The following CNTN4 variants were observed in gnomAD, a reference collection of about 807,000 sequenced individuals.
The protein encoded by CNTN4 is contactin 4.
Under a neutral mutation model 122.5 loss-of-function variants are expected in CNTN4, and 77 were observed. That is an observed-to-expected ratio of 0.63 (90% CI 0.52 to 0.76). The LOEUF (loss-of-function observed/expected upper bound fraction) is 0.76. CNTN4 is among the 30% of genes least tolerant of loss of function. CNTN4 has a pLI of 0.00. For missense variants in CNTN4, 1,256 were observed against 1,259.1 expected, an observed-to-expected ratio of 1.00 and a Z score of 0.04; for synonymous variants, 512 against 447.0, an observed-to-expected ratio of 1.15 and a Z score of -1.83.
intron 3 of CNTN4, among the ~76,000 whole-genome samples, chr3:2,455,831 C>A (rs2151391932): frequency 6.6e-6 from 1 of 152,064 alleles, no homozygotes; most frequent in African/African-American, 2.4e-5. Flanking sequence ...CACAGGTCAG[C>A]AAAGTTAACT....
chr3:2,199,093 C>G (rs146799108), intron 2 of CNTN4, among the ~76,000 whole-genome samples: 136 of 152,328 alleles, frequency 8.9e-4, no homozygotes, highest in African/African-American at 3.2e-3. Context: ...AGCTCATTGT[C>G]TCTAGCTGGG....
At position 2,375,439 on chromosome 3, in the gene CNTN4, C is replaced by G. The variant is rs139782956; in HGVS notation, c.-89+36206C>G. On this transcript the variant is annotated intron_variant, in intron 3 of 24. Coordinates refer to ENST00000418658, the MANE Select transcript of CNTN4 (RefSeq NM_175607.3). ...AGATAGAAAAGATATTACGGTGGCC[C>G]TATTTTCTAAGGGACTTTCAATACT... is the stretch of plus-strand genomic sequence containing the variant. Among the ~76,000 whole-genome samples, 338 of 152,220 alleles carry G rather than the reference C, an allele frequency of 2.2e-3. 5 individuals carry two copies. In the East Asian group the frequency reaches 0.026, roughly 12 times the overall value.
chr3:2,267,160 GATTGTGGTGTGTAGAA>G (rs2149790899), intron 2 of CNTN4, among the ~76,000 whole-genome samples: 1 of 152,126 alleles, frequency 6.6e-6, no homozygotes, highest in South Asian at 2.1e-4. Context: ...GCCAACTTAC[GATTGTGGTGTGTAGAA>G]ATTTAGTGTC....
intron 4 of CNTN4, among the ~76,000 whole-genome samples, chr3:2,713,221 C>G (rs1198691736): frequency 6.6e-6 from 1 of 152,126 alleles, no homozygotes; most frequent in East Asian, 1.9e-4. Flanking sequence ...GAAGGACCCC[C>G]AAGTGGTATC....
chr3:2,674,606 G>T (rs2084731782), intron 4 of CNTN4, among the ~76,000 whole-genome samples: 1 of 151,984 alleles, frequency 6.6e-6, no homozygotes, highest in African/African-American at 2.4e-5. Flanking sequence ...AATAATACAA[G>T]AATTAGCTGG....
chr3:2,875,926 A>G (rs974942455), intron 8 of CNTN4, among the ~76,000 whole-genome samples: 1 of 152,222 alleles, frequency 6.6e-6, no homozygotes, highest in African/African-American at 2.4e-5. Context: ...TTACTTCAGG[A>G]ATTCAGGAAA....
At chr3:2,728,621 A>C (rs2088414032) in intron 4 of CNTN4, among the ~76,000 whole-genome samples, 1 of 152,230 alleles carries the variant, frequency 6.6e-6, no homozygotes, top group East Asian at 1.9e-4. Flanking sequence ...TGATTGGTCA[A>C]GGGCTCTGCA....
intron 3 of CNTN4, among the ~76,000 whole-genome samples, chr3:2,374,383 A>G (rs941473703): frequency 2.6e-5 from 4 of 152,304 alleles, no homozygotes; most frequent in African/African-American, 9.6e-5. Context: ...TAAAAAGAAG[A>G]GTTGTTCTTT....
intron 2 of CNTN4, among the ~76,000 whole-genome samples, chr3:2,272,327 G>C (rs1231593136): frequency 6.6e-6 from 1 of 151,998 alleles, no homozygotes; most frequent in Non-Finnish European, 1.5e-5. Context: ...ATTTATTTAT[G>C]AATTTTTATA....
intron 7 of CNTN4, among the ~76,000 whole-genome samples, chr3:2,849,008 C>G (rs1205952882): frequency 1.3e-5 from 2 of 152,102 alleles, no homozygotes; most frequent in African/African-American, 2.4e-5. Context: ...GCTAGGCACC[C>G]AAAACAAATG....
intron 4 of CNTN4, among the ~76,000 whole-genome samples, chr3:2,604,926 C>G (rs2149777482): frequency 1.3e-5 from 2 of 152,146 alleles, no homozygotes; most frequent in South Asian, 4.2e-4. Context: ...GTAAATAGTA[C>G]AGTATTGTTA....
In CNTN4 at chr3:2,163,183, C is replaced by T. The variant is rs146791915; in HGVS notation, c.-145+62544C>T. Among the ~76,000 whole-genome samples the T allele has an allele frequency of 1.5e-3, 225 of 152,226 alleles. 1 individual carries two copies. Among genetic ancestry groups the T allele is most frequent in the African/African-American group, 5.3e-3 (219 of 41,532 alleles). ...TAAACCAGTGGAACAGAATAGGGAA[C>T]CCAGAAATAAAGCCAAATACTCATA... On this transcript the variant is annotated intron_variant, in intron 2 of 24. Coordinates refer to ENST00000418658, the MANE Select transcript of CNTN4 (RefSeq NM_175607.3).
intron 3 of CNTN4, among the ~76,000 whole-genome samples, chr3:2,432,799 C>T (rs1463943045): frequency 7.0e-6 from 1 of 143,442 alleles, no homozygotes; most frequent in Admixed American, 7.4e-5. Context: ...GCAGATATGT[C>T]TGGCACACTA....
chr3:2,521,343 T>TCCCCCAC (rs2077208573), intron 3 of CNTN4, among the ~76,000 whole-genome samples: 2 of 128,310 alleles, frequency 1.6e-5, no homozygotes, highest in Admixed American at 8.2e-5. Flanking sequence ...CCTCTACCCA[T>TCCCCCAC]CCCCCCCACC....
At chr3:2,719,591 T>C (rs1184242063) in intron 4 of CNTN4, among the ~76,000 whole-genome samples, 1 of 152,036 alleles carries the variant, frequency 6.6e-6, no homozygotes, top group African/African-American at 2.4e-5. Context: ...GCCCAGCTAA[T>C]TTTTATATTT....
chr3:3,012,763 G>A (rs749308785), intron 14 of CNTN4, among the ~76,000 whole-genome samples: 62 of 152,146 alleles, frequency 4.1e-4, no homozygotes, highest in Admixed American at 7.9e-4. Flanking sequence ...GAGGTCAGGA[G>A]TTTGAGATCA....
At chr3:2,805,288 C>G (rs1021256966) in intron 6 of CNTN4, among the ~76,000 whole-genome samples, 1 of 152,042 alleles carries the variant, frequency 6.6e-6, no homozygotes, top group African/African-American at 2.4e-5. Context: ...AGCTTTGTAG[C>G]TGTAAAGTTT....
intron 2 of CNTN4, among the ~76,000 whole-genome samples, chr3:2,338,086 C>T (rs1017272113): frequency 6.6e-6 from 1 of 151,932 alleles, no homozygotes; most frequent in African/African-American, 2.4e-5. Flanking sequence ...CCATAGGAAA[C>T]ATTTTCTTAC....
chr3:2,321,125 A>G (rs988834855), intron 2 of CNTN4, among the ~76,000 whole-genome samples: 2 of 152,150 alleles, frequency 1.3e-5, no homozygotes, highest in East Asian at 1.9e-4. Flanking sequence ...GCTCTGTCCT[A>G]TAGCTCTGAA....
Sources: gnomAD v4.1 joint callset for allele counts (sites outside exome capture counted in the v4.1 genomes callset) on GRCh38, gnomAD v4.1.1 for gene constraint, MANE v1.5 for transcripts, NCBI Gene and HGNC (gene_info 2026-07-23, HGNC 2026-07-21) for gene names.